MEI1: variants seen among roughly 807,000 people sequenced by gnomAD.
The protein encoded by MEI1 is meiotic double-stranded break formation protein 1.
A neutral mutation model predicts 146.2 loss-of-function variants in MEI1; 103 were observed. That is an observed-to-expected ratio of 0.70 (90% CI 0.60 to 0.83). The LOEUF is 0.83. Among genes scored for constraint, MEI1 ranks in the 40% least tolerant of loss-of-function variants. MEI1 has a pLI of 0.00. For missense variants in MEI1, 1,529 were observed against 1,533.0 expected, an observed-to-expected ratio of 1.00 and a Z score of 0.04; for synonymous variants, 652 against 628.2, an observed-to-expected ratio of 1.04 and a Z score of -0.57.
At chr22:41,777,916 TTTC>T (rs536558002) in intron 21 of MEI1, among the ~76,000 whole-genome samples, 559 of 151,604 alleles carry the variant, frequency 3.7e-3, no homozygotes, top group African/African-American at 7.9e-3. Flanking sequence ...CATCTTCTTC[TTTC>T]TTCTTCTTCT....
At chr22:41,720,057 T>TGGGG (rs2070620029) in intron 6 of MEI1, among the ~76,000 whole-genome samples, 1 of 152,060 alleles carries the variant, frequency 6.6e-6, no homozygotes, top group African/African-American at 2.4e-5. Flanking sequence ...TTAGGGGAGC[T>TGGGG]CACAGGCCAG....
chr22:41,792,322 C>T (rs2076208497), intron 26 of MEI1, among the ~76,000 whole-genome samples: 1 of 152,102 alleles, frequency 6.6e-6, no homozygotes, highest in South Asian at 2.1e-4. Context: ...AGTTGGGTGG[C>T]CCAGTGCAGT....
chr22:41,783,167 TTTTG>T (rs1248645919), intron 24 of MEI1, among the ~76,000 whole-genome samples: 6 of 152,130 alleles, frequency 3.9e-5, no homozygotes, highest in Non-Finnish European at 7.3e-5. Context: ...TTTTTGTCTG[TTTTG>T]TTTATTATTA....
In MEI1 at chr22:41,781,761, A is replaced by C; in HGVS notation, c.3003A>C (p.Ala1001=). ...TGCTGGCCCTCACCTTGGCAAAGGC[A>C]GATTCTCCCAGGACTGCACTCCTCT... The part of the protein sequence containing the change: ...EKMLALTLAK[A]DSPRTALLCS... Residue 1001 remains alanine (A), a synonymous_variant, in exon 24 of 31, where the codon GCA becomes GCC. Coordinates refer to ENST00000401548, the MANE Select transcript of MEI1 (RefSeq NM_152513.4). The C allele has an allele frequency of 6.2e-7, 1 of 1,613,986 alleles. No individual in the cohort carries two copies. The highest frequency in any genetic ancestry group is 8.5e-7 in the Non-Finnish European group (1 of 1,179,896).
At chr22:41,739,846 C>A (rs574575820) in intron 11 of MEI1, among the ~76,000 whole-genome samples, 9 of 152,202 alleles carry the variant, frequency 5.9e-5, no homozygotes, top group Admixed American at 2.6e-4. Flanking sequence ...TGTGGAAGGA[C>A]CTGGATTAGC....
In MEI1 at chr22:41,741,942, CAAAAAA is replaced by C. The variant is rs10544640; in HGVS notation, c.1332-1125_1332-1120del. On this transcript the variant is annotated intron_variant, in intron 11 of 30. Coordinates refer to ENST00000401548, the MANE Select transcript of MEI1 (RefSeq NM_152513.4). ...CTGGTGACAGAGCGAGACTCCATCT[CAAAAAA>C]AAAAAAAAAAAAGAGAAAAGAAAGT... Among the ~76,000 whole-genome samples the C allele has an allele frequency of 4.3e-3, 502 of 116,156 alleles. 4 individuals carry two copies. Among genetic ancestry groups the C allele is most frequent in the African/African-American group, 0.015 (476 of 31,864 alleles). 76.2% of individuals were successfully genotyped at this position (116,156 alleles called of 152,430 possible). A position where few individuals can be genotyped will look rare whatever the true frequency, so the allele number is the denominator to read the frequency against.
intron 7 of MEI1, among the ~76,000 whole-genome samples, chr22:41,724,312 C>T (rs931337620): frequency 6.6e-6 from 1 of 152,100 alleles, no homozygotes; most frequent in African/African-American, 2.4e-5. Context: ...TATGGCAAAA[C>T]CCTGTCTCTA....
intron 17 of MEI1, among the ~76,000 whole-genome samples, chr22:41,754,930 C>T (rs1278710700): frequency 6.6e-6 from 1 of 152,074 alleles, no homozygotes; most frequent in Admixed American, 6.5e-5. Flanking sequence ...AGGAGAGAGA[C>T]ATGTTAGATA....
intron 1 of MEI1, 108 bp from the exon 2 acceptor site, chr22:41,703,223 A>G: frequency 1.6e-6 from 2 of 1,259,338 alleles, no homozygotes; most frequent in Non-Finnish European, 2.2e-6. Context: ...ACCGTAGTTT[A>G]AATGATCCCT....
chr22:41,776,256 C>T lies in MEI1; in HGVS notation c.2699C>T (p.Ser900Phe). The T allele has an allele frequency of 6.2e-7, 1 of 1,613,552 alleles. No homozygotes were observed. Among genetic ancestry groups the T allele is most frequent in the Admixed American group, 1.7e-5 (1 of 60,028 alleles). The part of the protein sequence containing the change: ...LQRLLVEHGA[S>F]PSGASGNLPL... Reference sequence around the variant, plus strand: ...CGTCTGCTAGTGGAGCATGGGGCATCCCCATCAGGAGGTCAGTCTGCAGGT... The same window carrying T: ...CGTCTGCTAGTGGAGCATGGGGCATTCCCATCAGGAGGTCAGTCTGCAGGT... The change falls in exon 21 of 31, where the codon TCC becomes TTC. Residue 900 changes from serine to phenylalanine, a missense_variant. Physicochemically the swap from Ser to Phe is radical, Grantham distance 155 (BLOSUM62 -2). This residue lies in a region of MEI1 where 1,212 missense variants were observed against 1,178.9 expected (regional missense o/e 1.03). Coordinates refer to ENST00000401548, the MANE Select transcript of MEI1 (RefSeq NM_152513.4).
chr22:41,761,612 C>T (rs1435567693), intron 18 of MEI1, among the ~76,000 whole-genome samples: 1 of 152,038 alleles, frequency 6.6e-6, no homozygotes, highest in Non-Finnish European at 1.5e-5. Flanking sequence ...CTGCGCCCGG[C>T]CGACTCAGTC....
In MEI1 at chr22:41,781,697, T is replaced by C. The variant is rs1044932905; in HGVS notation, c.2939T>C (p.Leu980Pro). Residue 980 changes from leucine (L) to proline (P), a missense_variant, in exon 24 of 31, where the codon CTC (leucine) becomes CCC (proline). By Grantham distance (98) the Leu-to-Pro change is moderately conservative (BLOSUM62 -3). This residue lies in a region of MEI1 where 4 missense variants were observed against 16.8 expected (regional missense o/e 0.24). Coordinates refer to ENST00000401548, the MANE Select transcript of MEI1 (RefSeq NM_152513.4). ...PSSQKRAAAVLLSSTGLMELL... is the reference protein window; with the variant it reads ...PSSQKRAAAVPLSSTGLMELL... ...CCACCCCCGACAGCTGCTGCAGTGC[T>C]CCTGAGCAGCACAGGCCTGATGGAG... is the stretch of plus-strand genomic sequence containing the variant. The C allele has an allele frequency of 2.5e-6, 4 of 1,613,298 alleles. No individual in the cohort carries two copies. In the African/African-American group the frequency reaches 4.0e-5, roughly 16 times the overall value.
chr22:41,725,120 T>G, intron 7 of MEI1, among the ~76,000 whole-genome samples: 1 of 146,306 alleles, frequency 6.8e-6, no homozygotes, highest in South Asian at 2.1e-4. Flanking sequence ...AAATTATTAT[T>G]ATTTTTTTTT....
chr22:41,741,656 A>G (rs1224956370), intron 11 of MEI1, among the ~76,000 whole-genome samples: 2 of 152,246 alleles, frequency 1.3e-5, no homozygotes, highest in Non-Finnish European at 2.9e-5. Flanking sequence ...GGTCCCCAAT[A>G]CTTCTATAGA....
rs201012229 is a variant in MEI1 at position 41,748,181 on chromosome 22, C to T, written c.1755C>T (p.Ile585=). ...FLSILHNLFV[I]VPHMKEKFSK... ...CAATTCTACATAACCTCTTTGTCAT[C>T]GTTCCCCACATGAAGGAGAAGTTTT... Residue 585 remains isoleucine (I), a synonymous_variant, in exon 15 of 31, where the codon ATC becomes ATT. Transcript: ENST00000401548. The T allele has an allele frequency of 1.1e-5, 18 of 1,613,940 alleles. No homozygotes were observed. The highest frequency in any genetic ancestry group is 1.6e-4 in the Middle Eastern group (1 of 6,062).
intron 12 of MEI1, among the ~76,000 whole-genome samples, chr22:41,744,175 T>A (rs1242314738): frequency 6.6e-6 from 1 of 150,920 alleles, no homozygotes; most frequent in African/African-American, 2.4e-5. Context: ...CCTGCTACCA[T>A]TTTTTTTTAT....
At chr22:41,781,947 T>C in intron 24 of MEI1, 102 bp downstream of exon 24, 3 of 1,346,562 alleles carry the variant, frequency 2.2e-6, no homozygotes, top group Non-Finnish European at 3.1e-6. Flanking sequence ...ATTAGCTGTG[T>C]GACCTTGGCA....
chr22:41,769,765 C>T (rs1009662764), intron 19 of MEI1, among the ~76,000 whole-genome samples: 3 of 151,882 alleles, frequency 2.0e-5, no homozygotes, highest in African/African-American at 7.2e-5. Flanking sequence ...AGCCCCCACG[C>T]CCAGCCTCAT....
chr22:41,780,436 T>C (rs1259795685), intron 22 of MEI1, among the ~76,000 whole-genome samples: 1 of 151,640 alleles, frequency 6.6e-6, no homozygotes, highest in Non-Finnish European at 1.5e-5. Flanking sequence ...TTCCCAAGAG[T>C]AAAGGGATAT....
Sources: gnomAD v4.1 joint callset for allele counts (sites outside exome capture counted in the v4.1 genomes callset) on GRCh38, gnomAD v4.1.1 for gene constraint, gnomAD v4.1.1 regional missense constraint, MANE v1.5 for transcripts, NCBI Gene and HGNC (gene_info 2026-07-23, HGNC 2026-07-21) for gene names.